Variants in EYS observed in about 807,000 individuals in gnomAD.
EYS encodes EGF-like photoreceptor maintenance factor.
In EYS, 250 loss-of-function variants were observed where a neutral mutation model predicts 282.1. The observed-to-expected ratio is 0.89, with a 90% CI of 0.80 to 0.98. The LOEUF is 0.98. EYS is among the 50% of genes least tolerant of loss of function. The pLI is 0.00. For missense variants in EYS, 4,016 were observed against 3,709.0 expected (o/e 1.08, Z -2.15); for synonymous variants, 1,355 against 1,282.9 (o/e 1.06, Z -1.20).
intron 5 of EYS, among the ~76,000 whole-genome samples, chr6:65,412,465 A>C (rs1430088315): frequency 6.6e-6 from 1 of 152,092 alleles, no homozygotes; most frequent in Non-Finnish European, 1.5e-5. Context: ...TGTATAAGAG[A>C]TTTAGTTACT....
intron 3 of EYS, 56 bp from the exon 4 acceptor site, chr6:65,495,663 T>A: frequency 1.8e-6 from 1 of 544,818 alleles, no homozygotes; most frequent in Non-Finnish European, 3.3e-6. Context: ...ATTAATAATA[T>A]AGAAAATGCT....
chr6:64,661,526 C>G (rs1268156657), intron 22 of EYS, among the ~76,000 whole-genome samples: 1 of 152,004 alleles, frequency 6.6e-6, no homozygotes, highest in Non-Finnish European at 1.5e-5. Flanking sequence ...AAAATGAACT[C>G]AAACAAATTG....
At chr6:64,372,850 A>G (rs946977628) in intron 29 of EYS, among the ~76,000 whole-genome samples, 1 of 152,124 alleles carries the variant, frequency 6.6e-6, no homozygotes, top group Non-Finnish European at 1.5e-5. Flanking sequence ...AAGTTTGGTC[A>G]ATTCTGCTGT....
chr6:64,921,589 A>G lies in EYS; in HGVS notation c.2382-8846T>C, dbSNP rs539165906. On this transcript the variant is annotated intron_variant, in intron 15 of 42. Transcript: ENST00000503581. ...TGGTACTTAGTCAAGCCGGAGTCCA[A>G]GTGATATTCAAAAAGCCTTTAAAAT... Among the ~76,000 whole-genome samples the G allele has an allele frequency of 2.2e-4, 34 of 152,326 alleles. 1 individual carries two copies. In the South Asian group the frequency reaches 3.7e-3, roughly 17 times the overall value.
chr6:65,088,827 A>G (rs1415203829), intron 12 of EYS, among the ~76,000 whole-genome samples: 1 of 152,156 alleles, frequency 6.6e-6, no homozygotes. Context: ...GGCCAGGCCC[A>G]GAGTCCCCCT....
chr6:64,757,353 G>A (rs1401779188), intron 22 of EYS, among the ~76,000 whole-genome samples: 3 of 151,980 alleles, frequency 2.0e-5, no homozygotes, highest in African/African-American at 7.3e-5. Flanking sequence ...ATAACTCTTA[G>A]TGCACTGCCT....
chr6:65,627,925 C>T (rs558760599), intron 2 of EYS, among the ~76,000 whole-genome samples: 2 of 152,254 alleles, frequency 1.3e-5, no homozygotes, highest in African/African-American at 2.4e-5. Flanking sequence ...CTGAGGAATG[C>T]GAGCGCACGG....
chr6:64,383,378 G>A (rs1359708675), intron 29 of EYS, among the ~76,000 whole-genome samples: 1 of 152,160 alleles, frequency 6.6e-6, no homozygotes, highest in African/African-American at 2.4e-5. Flanking sequence ...ATTCTTATAC[G>A]TGCAAGGAAT....
At chr6:64,829,594 G>A (rs201810371) in intron 19 of EYS, among the ~76,000 whole-genome samples, 1 of 151,932 alleles carries the variant, frequency 6.6e-6, no homozygotes, top group Non-Finnish European at 1.5e-5. Context: ...ATCAGATAAC[G>A]ATAGATCTGT....
chr6:65,519,297 T>A (rs917957464), intron 2 of EYS, among the ~76,000 whole-genome samples: 2 of 151,958 alleles, frequency 1.3e-5, no homozygotes, highest in Non-Finnish European at 2.9e-5. Context: ...TGTGTTTGTG[T>A]GTGTGTGTGT....
chr6:64,993,796 G>T lies in EYS; in HGVS notation c.2259+3786C>A, dbSNP rs189223903. 5.3e-5 allele frequency among the ~76,000 whole-genome samples: 8 copies of T among 150,216 alleles called. No individual in the cohort carries two copies. The East Asian group carries it at 1.6e-3, about 29-fold the overall frequency. Reference sequence around the variant, plus strand: ...CAACCATATGGTGGATGAAAGTAAAGGTAGTTTTTTTTTTTTTAGAAGACA... The same window carrying T: ...CAACCATATGGTGGATGAAAGTAAATGTAGTTTTTTTTTTTTTAGAAGACA... On this transcript the variant is annotated intron_variant, in intron 14 of 42. Coordinates refer to ENST00000503581, the MANE Select transcript of EYS (RefSeq NM_001142800.2).
At chr6:65,552,980 T>C (rs1768655049) in intron 2 of EYS, among the ~76,000 whole-genome samples, 1 of 152,118 alleles carries the variant, frequency 6.6e-6, no homozygotes, top group East Asian at 1.9e-4. Context: ...TTCTTTTAAA[T>C]GAAGAATTGA....
chr6:64,826,216 G>T (rs1025365975), intron 19 of EYS, among the ~76,000 whole-genome samples: 1 of 151,798 alleles, frequency 6.6e-6, no homozygotes, highest in Non-Finnish European at 1.5e-5. Flanking sequence ...CATAGCAGAT[G>T]ATTTTCACAA....
chr6:64,191,385 G>C (rs1198798027), intron 31 of EYS, among the ~76,000 whole-genome samples: 1 of 151,996 alleles, frequency 6.6e-6, no homozygotes, highest in Non-Finnish European at 1.5e-5. Flanking sequence ...ACAATGTGCA[G>C]GTTAGTTACA....
chr6:64,296,788 G>C (rs945784054), intron 30 of EYS, among the ~76,000 whole-genome samples: 3 of 151,660 alleles, frequency 2.0e-5, no homozygotes, highest in African/African-American at 7.3e-5. Flanking sequence ...TGTATTTTTA[G>C]TAGAGACGGG....
intron 19 of EYS, among the ~76,000 whole-genome samples, chr6:64,834,318 T>G (rs2150030191): frequency 6.6e-6 from 1 of 152,012 alleles, no homozygotes; most frequent in South Asian, 2.1e-4. Context: ...GTAAAGAGGT[T>G]AAAGTTTAAA....
In EYS at chr6:65,147,803, A is replaced by G. The variant is rs144459829; in HGVS notation, c.2024-90076T>C. On this transcript the variant is annotated intron_variant, in intron 12 of 42. Coordinates refer to ENST00000503581, the MANE Select transcript of EYS (RefSeq NM_001142800.2). Reference sequence around the variant, plus strand: ...TAGTTTAATTGACCCACAGTTCCGCATGACTGGGGATGCCTCAGGAATCTT... The same window carrying G: ...TAGTTTAATTGACCCACAGTTCCGCGTGACTGGGGATGCCTCAGGAATCTT... 4.3e-4 allele frequency among the ~76,000 whole-genome samples: 66 copies of G among 152,186 alleles called. 1 individual carries two copies. The highest frequency in any genetic ancestry group is 1.4e-3 in the African/African-American group (60 of 41,550).
chr6:65,314,659 A>T (rs917612795), intron 11 of EYS, among the ~76,000 whole-genome samples: 6 of 150,046 alleles, frequency 4.0e-5, no homozygotes, highest in African/African-American at 1.5e-4. Context: ...AGAGAGTTGC[A>T]GCTAGCTCTT....
chr6:64,493,288 T>C (rs950404783), intron 26 of EYS, among the ~76,000 whole-genome samples: 2 of 151,282 alleles, frequency 1.3e-5, no homozygotes, highest in African/African-American at 2.4e-5. Flanking sequence ...TGATTAAATA[T>C]AAGAAATCAT....
Sources: allele counts gnomAD v4.1 joint callset (sites outside exome capture counted in the v4.1 genomes callset), GRCh38; gene constraint gnomAD v4.1.1; transcripts MANE v1.5; gene names NCBI Gene and HGNC (gene_info 2026-07-23, HGNC 2026-07-21).